Variants in DENND4C observed in about 807,000 individuals in gnomAD.
DENND4C encodes DENN domain-containing protein 4C.
DENND4C carries 108 observed loss-of-function variants against 203.0 expected under a neutral mutation model. That is an observed-to-expected ratio of 0.53 (90% CI 0.46 to 0.62). The LOEUF (loss-of-function observed/expected upper bound fraction) is 0.62. Among genes scored for constraint, DENND4C ranks in the 20% least tolerant of loss-of-function variants. The probability of loss-of-function intolerance (pLI) is 0.00; values close to 1 mark genes in which losing one functional copy is unlikely to be tolerated. For missense variants in DENND4C, 2,481 were observed against 2,301.2 expected (o/e 1.08, Z -1.60); for synonymous variants, 871 against 792.4 (o/e 1.10, Z -1.67).
At chr9:19,303,380 C>G (rs1370163934) in intron 9 of DENND4C, among the ~76,000 whole-genome samples, 1 of 152,176 alleles carries the variant, frequency 6.6e-6, no homozygotes, top group Non-Finnish European at 1.5e-5. Context: ...CTGCCTGCCA[C>G]TTGTTTCTAT....
chr9:19,349,649 A>C (rs1823645950), intron 23 of DENND4C, among the ~76,000 whole-genome samples: 1 of 152,196 alleles, frequency 6.6e-6, no homozygotes, highest in African/African-American at 2.4e-5. Flanking sequence ...TCCCGAGTTT[A>C]AGGAATTAAT....
chr9:19,240,201 C>A (rs1031558740), intron 1 of DENND4C, among the ~76,000 whole-genome samples: 1 of 152,134 alleles, frequency 6.6e-6, no homozygotes, highest in African/African-American at 2.4e-5. Flanking sequence ...AGTGTACTTA[C>A]ATGATCCTAG....
intron 10 of DENND4C, among the ~76,000 whole-genome samples, chr9:19,313,102 C>G (rs906508121): frequency 2.6e-5 from 4 of 151,994 alleles, no homozygotes; most frequent in Admixed American, 2.0e-4. Flanking sequence ...TTTTTCCCAT[C>G]TACTTACCTA....
intron 1 of DENND4C, among the ~76,000 whole-genome samples, chr9:19,259,498 CTTTTTTCTTT>C (rs1828824239): frequency 7.2e-6 from 1 of 139,446 alleles, no homozygotes; most frequent in African/African-American, 2.7e-5. Context: ...ATTTTCTTTT[CTTTTTTCTTT>C]TTTTTTTTTT....
At chr9:19,258,134 AATCT>A (rs533304923) in intron 1 of DENND4C, among the ~76,000 whole-genome samples, 127 of 95,192 alleles carry the variant, frequency 1.3e-3, no homozygotes, top group Non-Finnish European at 1.6e-3. Flanking sequence ...TCAATCAATC[AATCT>A]ATCTATCTAT....
chr9:19,288,081 C>T (rs1432768459), intron 3 of DENND4C, among the ~76,000 whole-genome samples: 2 of 152,214 alleles, frequency 1.3e-5, no homozygotes, highest in African/African-American at 4.8e-5. Flanking sequence ...AGAAAATGAA[C>T]ATAAATGTTT....
In DENND4C at chr9:19,350,712, A is replaced by G; in HGVS notation, c.4328A>G (p.Asn1443Ser). The G allele has an allele frequency of 1.9e-6, 3 of 1,609,912 alleles. No individual in the cohort carries two copies. Among genetic ancestry groups the G allele is most frequent in the Middle Eastern group, 1.7e-4 (1 of 6,018 alleles). ...YSYSDDEEET[N>S]RDYSFPAGLE... The stretch of plus-strand genomic sequence containing the variant: ...TTTTTTCAATTAAAGGAAGAAACTA[A>G]TAGAGACTACAGCTTCCCAGCTGGC... The change falls in exon 24 of 33, where the codon AAT becomes AGT. Residue 1443 changes from asparagine (N) to serine (S), a missense_variant. This residue lies in a region of DENND4C where 2,289 missense variants were observed against 2,113.3 expected (regional missense o/e 1.08). Transcript: ENST00000434457.
intron 4 of DENND4C, 64 bp from the exon 5 acceptor site, chr9:19,290,640 A>T: frequency 8.8e-7 from 1 of 1,132,232 alleles, no homozygotes; most frequent in Non-Finnish European, 1.2e-6. Context: ...ATTAATACCT[A>T]TCATATGCAA....
At chr9:19,321,942 A>T (rs1170333604) in intron 12 of DENND4C, among the ~76,000 whole-genome samples, 1 of 151,978 alleles carries the variant, frequency 6.6e-6, no homozygotes, top group Non-Finnish European at 1.5e-5. Context: ...CTTAGATAGG[A>T]GGAGGGACAT....
At chr9:19,268,062 T>C (rs1830868720) in intron 1 of DENND4C, among the ~76,000 whole-genome samples, 1 of 151,894 alleles carries the variant, frequency 6.6e-6, no homozygotes, top group Non-Finnish European at 1.5e-5. Context: ...TTTTAATGTC[T>C]TGCCTTTTAT....
intron 1 of DENND4C, among the ~76,000 whole-genome samples, chr9:19,244,981 CT>C (rs1243906534): frequency 6.6e-6 from 1 of 152,064 alleles, no homozygotes; most frequent in Admixed American, 6.6e-5. Context: ...TAGAAAAAAA[CT>C]TTATTAGAAG....
chr9:19,344,829 G>T (rs1267618313), intron 22 of DENND4C, among the ~76,000 whole-genome samples: 2 of 151,956 alleles, frequency 1.3e-5, no homozygotes, highest in East Asian at 1.9e-4. Context: ...AAAAATAAAA[G>T]AAAGAAATTT....
chr9:19,276,385 C>G lies in DENND4C; in HGVS notation c.211C>G (p.Leu71Val), dbSNP rs1018749706. 3.2e-6 allele frequency: 4 copies of G among 1,231,946 alleles called. No homozygotes were observed. The East Asian group carries it at 1.3e-4, about 39-fold the overall frequency. 76.3% of individuals were successfully genotyped at this position (1,231,946 alleles called of 1,614,324 possible). A position where few individuals can be genotyped will look rare whatever the true frequency, so the allele number is the denominator to read the frequency against. Residue 71 changes from leucine (L) to valine (V), a missense_variant, in exon 2 of 33, where the codon CTC (leucine) becomes GTC (valine). Coordinates refer to ENST00000434457, the MANE Select transcript of DENND4C (RefSeq NM_001330640.2). ...CTGTGTAGAAGCCACTCCATCAGCTCTCCAAGCAAACTTGAACTATGGAAG... is the reference window on the plus strand; with the variant it reads ...CTGTGTAGAAGCCACTCCATCAGCTGTCCAAGCAAACTTGAACTATGGAAG... The part of the protein sequence containing the change: ...YTCVEATPSA[L>V]QANLNYGSLK...
intron 30 of DENND4C, among the ~76,000 whole-genome samples, chr9:19,368,668 G>A (rs913018536): frequency 2.0e-5 from 3 of 152,210 alleles, no homozygotes; most frequent in Middle Eastern, 3.4e-3. Context: ...TAGATGTGGT[G>A]GCATGCCCCT....
chr9:19,336,762 C>A lies in DENND4C; in HGVS notation c.2811C>A (p.Asn937Lys). ...HGSVDSSNDA[N>K]NGEHTVFVRD... ...GTGTGGATAGTTCTAATGATGCTAA[C>A]AATGGGGAGCACACAGTCTTCGTCA... is the stretch of plus-strand genomic sequence containing the variant. Residue 937 changes from asparagine (N) to lysine (K), a missense_variant, in exon 20 of 33, where the codon AAC becomes AAA. By Grantham distance (94) the Asn-to-Lys change is moderately conservative. Coordinates refer to ENST00000434457, the MANE Select transcript of DENND4C (RefSeq NM_001330640.2). 1.3e-6 allele frequency: 2 copies of A among 1,550,934 alleles called. No homozygotes were observed. Among genetic ancestry groups the A allele is most frequent in the African/African-American group, 1.4e-5 (1 of 73,152 alleles).
chr9:19,280,380 C>G (rs1443931975), intron 2 of DENND4C, among the ~76,000 whole-genome samples: 1 of 152,080 alleles, frequency 6.6e-6, no homozygotes. Context: ...CTCCTGACCT[C>G]GTGATCCACC....
chr9:19,328,480 T>A (rs1818314225), intron 16 of DENND4C, among the ~76,000 whole-genome samples: 1 of 151,638 alleles, frequency 6.6e-6, no homozygotes, highest in Non-Finnish European at 1.5e-5. Context: ...GGGCGTGGTG[T>A]CAGGCGCCTG....
chr9:19,285,055 T>C (rs1370008279), intron 2 of DENND4C, among the ~76,000 whole-genome samples: 1 of 152,196 alleles, frequency 6.6e-6, no homozygotes, highest in East Asian at 1.9e-4. Flanking sequence ...GTGTGAAGTA[T>C]AGACAGAATT....
chr9:19,355,803 G>A (rs1332923928), intron 26 of DENND4C, among the ~76,000 whole-genome samples: 1 of 152,044 alleles, frequency 6.6e-6, no homozygotes, highest in African/African-American at 2.4e-5. Context: ...AGTTTTCTTT[G>A]AGATTTATAG....
Sources: allele counts gnomAD v4.1 joint callset (sites outside exome capture counted in the v4.1 genomes callset), GRCh38; gene constraint gnomAD v4.1.1; regional missense constraint gnomAD v4.1.1; transcripts MANE v1.5; gene names NCBI Gene and HGNC (gene_info 2026-07-23, HGNC 2026-07-21).